Variants in KCNIP4 observed in about 807,000 individuals in gnomAD.
The protein encoded by KCNIP4 is Kv channel-interacting protein 4.
In KCNIP4, 12 loss-of-function variants were observed where a neutral mutation model predicts 34.0. The ratio of observed to expected loss-of-function variants is 0.35; its 90% CI spans 0.23 to 0.57. The LOEUF (loss-of-function observed/expected upper bound fraction) is 0.57. KCNIP4 is among the 20% of genes least tolerant of loss of function. The pLI, the probability that KCNIP4 is intolerant of heterozygous loss-of-function variation, is 0.83. For synonymous variants in KCNIP4, 124 were observed against 102.2 expected, an observed-to-expected ratio of 1.21 and a Z score of -1.29; for missense variants, 238 against 311.7, an observed-to-expected ratio of 0.76 and a Z score of 1.78.
chr4:21,154,086 T>C (rs1034864806), intron 1 of KCNIP4, among the ~76,000 whole-genome samples: 3 of 152,326 alleles, frequency 2.0e-5, no homozygotes, highest in South Asian at 4.1e-4. Flanking sequence ...TCATCTCCAT[T>C]ATTCTTCGAA....
Position 21,790,969 on chromosome 4 carries a change from C to CAAAAAAAAAAA in KCNIP4, c.61+157591_61+157601dup, listed in dbSNP as rs10560597. On this transcript the variant is annotated intron_variant, in intron 1 of 8. Transcript: ENST00000382152. ...CTCCTTTATTTGCCTGCGCACTCCA[C>CAAAAAAAAAAA]AAAAAAAAAAAAAAAAAAAAAAAAA... 1.9e-3 allele frequency among the ~76,000 whole-genome samples: 169 copies of CAAAAAAAAAAA among 89,654 alleles called. 2 individuals carry two copies. The highest frequency in any genetic ancestry group is 3.0e-3 in the Non-Finnish European group (134 of 45,364). The allele number at this position is 89,654 out of a possible 152,430, so 58.8% of individuals were successfully genotyped here.
intron 3 of KCNIP4, among the ~76,000 whole-genome samples, chr4:20,827,759 G>C (rs1350165708): frequency 6.7e-6 from 1 of 149,776 alleles, no homozygotes. Context: ...TCATGCTGCA[G>C]TTACACCTTT....
At chr4:21,136,658 T>C (rs1298319649) in intron 1 of KCNIP4, among the ~76,000 whole-genome samples, 1 of 152,130 alleles carries the variant, frequency 6.6e-6, no homozygotes, top group Non-Finnish European at 1.5e-5. Flanking sequence ...ATGTCTATAT[T>C]AAGAGACATG....
intron 1 of KCNIP4, among the ~76,000 whole-genome samples, chr4:21,301,874 G>C (rs1403190434): frequency 6.6e-6 from 1 of 152,068 alleles, no homozygotes; most frequent in African/African-American, 2.4e-5. Context: ...ATTTACTTTG[G>C]AGATTTGTCT....
intron 1 of KCNIP4, among the ~76,000 whole-genome samples, chr4:21,801,602 T>TTTATTA (rs778035819): frequency 4.6e-5 from 7 of 151,116 alleles, no homozygotes; most frequent in South Asian, 2.1e-4. Context: ...ACTTATTTAT[T>TTTATTA]TTATTATTAT....
chr4:21,126,255 G>A (rs1469668782), intron 1 of KCNIP4, among the ~76,000 whole-genome samples: 1 of 152,144 alleles, frequency 6.6e-6, no homozygotes, highest in Non-Finnish European at 1.5e-5. Context: ...AGAAGATTTT[G>A]TGGAGACCAT....
intron 1 of KCNIP4, among the ~76,000 whole-genome samples, chr4:21,681,815 C>A (rs1002428683): frequency 4.6e-5 from 7 of 152,022 alleles, no homozygotes; most frequent in African/African-American, 1.7e-4. Flanking sequence ...GCAAAGGGAG[C>A]AGACACATGA....
At chr4:20,857,632 C>T (rs1721743773) in intron 2 of KCNIP4, among the ~76,000 whole-genome samples, 1 of 141,610 alleles carries the variant, frequency 7.1e-6, no homozygotes, top group South Asian at 2.1e-4. Flanking sequence ...AGATTTACAC[C>T]CAGGTCTTTG....
At chr4:21,256,427 A>AC (rs1761067879) in intron 1 of KCNIP4, among the ~76,000 whole-genome samples, 1 of 151,630 alleles carries the variant, frequency 6.6e-6, no homozygotes, top group African/African-American at 2.4e-5. Flanking sequence ...TTAAAAAAAA[A>AC]AAAAAAAAAG....
Position 21,378,350 on chromosome 4 carries a change from T to C in KCNIP4, c.62-495641A>G, listed in dbSNP as rs374443820. Among the ~76,000 whole-genome samples, 11 of 152,216 alleles carry C rather than the reference T, an allele frequency of 7.2e-5. No individual in the cohort carries two copies. In the East Asian group the frequency reaches 7.7e-4, roughly 11 times the overall value. On this transcript the variant is annotated intron_variant, in intron 1 of 8. Coordinates refer to ENST00000382152, the MANE Select transcript of KCNIP4 (RefSeq NM_025221.6). Reference sequence around the variant, plus strand: ...TACCTAAAGCCATAATAAATTCCTTTAATAAAAATGCGCCAATAGATTCAT... The same window carrying C: ...TACCTAAAGCCATAATAAATTCCTTCAATAAAAATGCGCCAATAGATTCAT...
At chr4:21,068,892 C>T (rs1186802945) in intron 1 of KCNIP4, among the ~76,000 whole-genome samples, 1 of 152,088 alleles carries the variant, frequency 6.6e-6, no homozygotes, top group African/African-American at 2.4e-5. Flanking sequence ...GCATGCATGA[C>T]CACAGTATAG....
intron 8 of KCNIP4, chr4:20,731,392 G>A: frequency 1.0e-6 from 1 of 985,102 alleles, no homozygotes; most frequent in Non-Finnish European, 1.2e-6. Context: ...TTTTAACTGT[G>A]GTTCTGCCCA....
intron 1 of KCNIP4, among the ~76,000 whole-genome samples, chr4:21,895,326 C>T (rs1041249282): frequency 1.3e-5 from 2 of 152,052 alleles, no homozygotes; most frequent in African/African-American, 4.8e-5. Flanking sequence ...AAAGATAAAA[C>T]TCTCTCAAAT....
At chr4:21,119,414 G>C (rs1749953157) in intron 1 of KCNIP4, among the ~76,000 whole-genome samples, 2 of 146,422 alleles carry the variant, frequency 1.4e-5, no homozygotes, top group African/African-American at 5.0e-5. Context: ...AATCTAGAAA[G>C]TTGTGAGTAC....
intron 1 of KCNIP4, among the ~76,000 whole-genome samples, chr4:21,744,254 T>G (rs1046682001): frequency 6.6e-6 from 1 of 152,168 alleles, no homozygotes; most frequent in Non-Finnish European, 1.5e-5. Flanking sequence ...TTGGTGAATA[T>G]TTGCACAACT....
At chr4:21,589,781 G>A (rs1420495943) in intron 1 of KCNIP4, among the ~76,000 whole-genome samples, 1 of 151,830 alleles carries the variant, frequency 6.6e-6, no homozygotes, top group African/African-American at 2.4e-5. Flanking sequence ...AGAGGATAGG[G>A]ACCAAGTATG....
At chr4:21,669,218 C>T (rs1238898890) in intron 1 of KCNIP4, among the ~76,000 whole-genome samples, 2 of 151,916 alleles carry the variant, frequency 1.3e-5, no homozygotes, top group South Asian at 2.1e-4. Context: ...CTCGACCTCC[C>T]GAGCTCAGGT....
chr4:21,306,878 T>C (rs573470445), intron 1 of KCNIP4, among the ~76,000 whole-genome samples: 1 of 152,102 alleles, frequency 6.6e-6, no homozygotes, highest in African/African-American at 2.4e-5. Context: ...TGGAGTGCAA[T>C]GGTGAGCGAT....
intron 1 of KCNIP4, among the ~76,000 whole-genome samples, chr4:21,678,493 G>A (rs892931595): frequency 6.6e-5 from 10 of 152,068 alleles, no homozygotes; most frequent in Non-Finnish European, 1.3e-4. Context: ...TTCCACTCAC[G>A]ACATGTGCTT....
Sources: allele counts gnomAD v4.1 joint callset (sites outside exome capture counted in the v4.1 genomes callset), GRCh38; gene constraint gnomAD v4.1.1; transcripts MANE v1.5; gene names NCBI Gene and HGNC (gene_info 2026-07-23, HGNC 2026-07-21).